Variants in ATF6B observed in about 807,000 individuals in gnomAD.
ATF6B encodes the protein activating transcription factor 6 beta.
In ATF6B, 50 loss-of-function variants were observed where a neutral mutation model predicts 83.5. That is an observed-to-expected ratio of 0.60 (90% CI 0.48 to 0.76). The LOEUF is 0.76. Ranked by LOEUF, ATF6B falls within the 30% of genes least tolerant of loss-of-function variation. The probability of loss-of-function intolerance (pLI) is 0.00; values close to 1 mark genes in which losing one functional copy is unlikely to be tolerated. For missense variants in ATF6B, 790 were observed against 893.8 expected, an observed-to-expected ratio of 0.88 and a Z score of 1.48; for synonymous variants, 344 against 362.8, an observed-to-expected ratio of 0.95 and a Z score of 0.59.
At position 32,116,521 on chromosome 6, in the gene ATF6B, C is replaced by G. The variant is rs754741325; in HGVS notation, c.1841G>C (p.Arg614Pro). ...LPAISHNKTS[R>P]PKMSLVMPAM... ...AGGCATCACCAGGGACATCTTGGGC[C>G]GGGAGGTCTTGTTGTGGCTGATGGC... Residue 614 changes from arginine to proline, a missense_variant, in exon 17 of 18, where the codon CGG becomes CCG. By Grantham distance (103) the Arg-to-Pro change is moderately radical. Transcript: ENST00000375203. The surrounding 1 kb of genome is among the most constrained non-coding windows in gnomAD (Gnocchi z 5.1). 2.9e-5 allele frequency: 46 copies of G among 1,605,336 alleles called. No individual in the cohort carries two copies. Among genetic ancestry groups the G allele is most frequent in the Non-Finnish European group, 3.7e-5 (44 of 1,175,484 alleles).
At position 32,117,292 on chromosome 6, in the gene ATF6B, T is replaced by A. The variant is rs1781568341; in HGVS notation, c.1614+31A>T. 3.1e-6 allele frequency: 5 copies of A among 1,605,782 alleles called. No individual in the cohort carries two copies. The African/African-American group carries it at 6.7e-5, about 21-fold the overall frequency. On this transcript the variant is annotated intron_variant, in intron 14 of 17. Transcript: ENST00000375203. The surrounding 1 kb of genome is among the most constrained non-coding windows in gnomAD (Gnocchi z 5.0). ...AAGGCCTTTAGCCCTTGTCTTCAAG[T>A]GGCCTTCCTTGAACCAGCCACCCGC...
intron 1 of ATF6B, 22 bp from the exon 2 acceptor site, chr6:32,127,772 G>C: frequency 1.9e-6 from 3 of 1,612,016 alleles, no homozygotes; most frequent in Admixed American, 1.7e-5. Flanking sequence ...GCTGAGCGTC[G>C]GGGGGTCGTT....
At position 32,118,789 on chromosome 6, in the gene ATF6B, G is replaced by A. The variant is rs1306236104; in HGVS notation, c.1230C>T (p.Asn410=). 6.2e-7 allele frequency: 1 copy of A among 1,614,124 alleles called. No homozygotes were observed. The highest frequency in any genetic ancestry group is 8.5e-7 in the Non-Finnish European group (1 of 1,180,052). The change falls in exon 11 of 18, where the codon AAC becomes AAT. Residue 410 remains asparagine (N), a synonymous_variant. Coordinates refer to ENST00000375203, the MANE Select transcript of ATF6B (RefSeq NM_004381.5). The surrounding 1 kb of genome is among the most constrained non-coding windows in gnomAD (Gnocchi z 5.2). ...GAAGGTCTCACCTGACAGGTCCAAA[G>A]TTGAAGGCAATGAAGAGAAGGAAGA... ...IMVFLLFIAF[N]FGPVSISEPP...
In ATF6B at chr6:32,116,983, A is replaced by G; in HGVS notation, c.1685+54T>C. ...GGCACAGGACAGCTACTGGGGGTACAGCTCTTGAAAGTGGAATTTCACTTA... is the reference window on the plus strand; with the variant it reads ...GGCACAGGACAGCTACTGGGGGTACGGCTCTTGAAAGTGGAATTTCACTTA... On this transcript the variant is annotated intron_variant, in intron 15 of 17. Transcript: ENST00000375203. The surrounding 1 kb of genome is among the most constrained non-coding windows in gnomAD (Gnocchi z 5.1). The G allele has an allele frequency of 6.3e-7, 1 of 1,584,622 alleles. No individual in the cohort carries two copies. The highest frequency in any genetic ancestry group is 8.7e-7 in the Non-Finnish European group (1 of 1,154,280).
Position 32,121,124 on chromosome 6 carries a change from C to A in ATF6B, c.565G>T (p.Ala189Ser). Residue 189 changes from alanine to serine, a missense_variant and splice_region_variant, in exon 7 of 18, where the codon GCT (alanine) becomes TCT (serine). Ala to Ser is a moderately conservative substitution (Grantham distance 99). This residue lies in a region of ATF6B where 253 missense variants were observed against 243.1 expected (regional missense o/e 1.04). Coordinates refer to ENST00000375203, the MANE Select transcript of ATF6B (RefSeq NM_004381.5). ...TCCAGGACCTCCTCTCCTATAAAAG[C>A]CTATGTGGGGCATTCCAGAGATACA... Reference protein sequence around the residue: ...SLLSADSSSQAFIGEEVLEVK... With the variant: ...SLLSADSSSQSFIGEEVLEVK... The A allele has an allele frequency of 1.3e-6, 2 of 1,588,328 alleles. No homozygotes were observed. Among genetic ancestry groups the A allele is most frequent in the Non-Finnish European group, 8.6e-7 (1 of 1,167,452 alleles).
chr6:32,121,190 G>A, intron 6 of ATF6B, 66 bp from the exon 7 acceptor site: 1 of 1,609,740 alleles, frequency 6.2e-7, no homozygotes, highest in Non-Finnish European at 8.5e-7. Flanking sequence ...CTGAAGAAGG[G>A]AAAGCTCTCA....
rs1781915763 is a variant in ATF6B, at chr6:32,125,063, C to T, written c.478+1054G>A. On this transcript the variant is annotated intron_variant, in intron 5 of 17. Transcript: ENST00000375203. The surrounding 1 kb of genome is among the most constrained non-coding windows in gnomAD (Gnocchi z 4.1). ...CAGGATGGTCTCAATCTCCTGACCT[C>T]GTGATCCGCCCACCTCGGCCTCCCA... Among the ~76,000 whole-genome samples the T allele has an allele frequency of 6.6e-6, 1 of 152,058 alleles. No homozygotes were observed. Among genetic ancestry groups the T allele is most frequent in the Non-Finnish European group, 1.5e-5 (1 of 68,008 alleles).
intron 5 of ATF6B, among the ~76,000 whole-genome samples, chr6:32,122,845 CAAAAA>C (rs746213748): frequency 1.9e-5 from 1 of 52,686 alleles, no homozygotes; most frequent in Admixed American, 2.0e-4. Flanking sequence ...GACTCTGTCT[CAAAAA>C]AAAAAAAAAA....
chr6:32,128,213 C>CCCCCCCCCCCCCCCCCCCCAGACCGA lies in ATF6B; in HGVS notation c.-7_-6insTCGGTCTGGGGGGGGGGGGGGGGGGG. On this transcript the variant is annotated 5_prime_UTR_variant, in exon 1 of 18. Transcript: ENST00000375203. Reference sequence around the variant, plus strand: ...AGCAGCATCAGCTCCGCCATCTTTCCCCCCCACCCCCCAACCAGGAGACGG... The same window carrying CCCCCCCCCCCCCCCCCCCCAGACCGA: ...AGCAGCATCAGCTCCGCCATCTTTCCCCCCCCCCCCCCCCCCCCCAGACCGACCCCCACCCCCCAACCAGGAGACGG... 6.9e-7 allele frequency: 1 copy of CCCCCCCCCCCCCCCCCCCCAGACCGA among 1,439,942 alleles called. No individual in the cohort carries two copies. Among genetic ancestry groups the CCCCCCCCCCCCCCCCCCCCAGACCGA allele is most frequent in the Non-Finnish European group, 9.4e-7 (1 of 1,065,494 alleles). 89.2% of individuals were successfully genotyped at this position (1,439,942 alleles called of 1,614,324 possible).
Position 32,118,704 on chromosome 6 carries a change from A to G in ATF6B, c.1244+71T>C. The G allele has an allele frequency of 3.3e-6, 5 of 1,508,870 alleles. No individual in the cohort carries two copies. The highest frequency in any genetic ancestry group is 4.6e-6 in the Non-Finnish European group (5 of 1,088,136). 93.5% of individuals were successfully genotyped at this position (1,508,870 alleles called of 1,614,324 possible). ...TAAGCAGAAGGAAATGGCCTGGGCC[A>G]AAGCAGGCAGCTAGGAGGCTGTAAC... On this transcript the variant is annotated intron_variant, in intron 11 of 17. Coordinates refer to ENST00000375203, the MANE Select transcript of ATF6B (RefSeq NM_004381.5). This position sits in a 1 kb window ranked among gnomAD's most constrained non-coding sequence, Gnocchi z 5.2.
intron 5 of ATF6B, among the ~76,000 whole-genome samples, chr6:32,124,837 G>T (rs1362671008): frequency 6.6e-6 from 1 of 151,834 alleles, no homozygotes; most frequent in African/African-American, 2.4e-5. Context: ...AGCTTTCATG[G>T]TACCCTCTAG....
chr6:32,128,211 T>TCACCCCCC lies in ATF6B; in HGVS notation c.-5_-4insGGGGGGTG. On this transcript the variant is annotated 5_prime_UTR_variant, in exon 1 of 18. Transcript: ENST00000375203. ...TGAGCAGCATCAGCTCCGCCATCTT[T>TCACCCCCC]CCCCCCCACCCCCCAACCAGGAGAC... is the stretch of plus-strand genomic sequence containing the variant. 6.5e-7 allele frequency: 1 copy of TCACCCCCC among 1,536,882 alleles called. No individual in the cohort carries two copies. The highest frequency in any genetic ancestry group is 8.8e-7 in the Non-Finnish European group (1 of 1,131,486).
chr6:32,126,034 C>T (rs1781958400), intron 5 of ATF6B, 83 bp downstream of exon 5: 2 of 1,545,768 alleles, frequency 1.3e-6, no homozygotes, highest in Non-Finnish European at 8.8e-7. Flanking sequence ...CTGCACTTCC[C>T]CTCCATCTAC....
intron 5 of ATF6B, 78 bp from the exon 6 acceptor site, chr6:32,121,426 G>GGGCCGGGC: frequency 7.1e-7 from 1 of 1,398,720 alleles, no homozygotes; most frequent in Non-Finnish European, 1.0e-6. Context: ...TGGGAGGCTG[G>GGGCCGGGC]GCATGGTGGC....
At position 32,125,718 on chromosome 6, in the gene ATF6B, AC is replaced by A. The variant is rs1781944788; in HGVS notation, c.478+398del. ...GGAGGTTGCAGTGAGCTGAGACCAC[AC>A]CACTGCACTTCAGCCCGAGCGACAG... On this transcript the variant is annotated intron_variant, in intron 5 of 17. Transcript: ENST00000375203. This position sits in a 1 kb window ranked among gnomAD's most constrained non-coding sequence, Gnocchi z 4.1. 6.6e-6 allele frequency among the ~76,000 whole-genome samples: 1 copy of A among 152,144 alleles called. No individual in the cohort carries two copies. The highest frequency in any genetic ancestry group is 2.4e-5 in the African/African-American group (1 of 41,422).
intron 5 of ATF6B, among the ~76,000 whole-genome samples, chr6:32,123,079 A>G (rs1245128082): frequency 2.0e-5 from 3 of 151,642 alleles, no homozygotes; most frequent in Non-Finnish European, 4.4e-5. Flanking sequence ...ATACAAAAAA[A>G]TAGCCGGACA....
rs1196670182 is a variant in ATF6B at position 32,115,868 on chromosome 6, T to C, written c.1983A>G (p.Thr661=). The C allele has an allele frequency of 3.7e-6, 6 of 1,614,178 alleles. No individual in the cohort carries two copies. The highest frequency in any genetic ancestry group is 1.1e-5 in the South Asian group (1 of 91,080). ...DTRVIHIKTS[T]VPPSLRKQPS... ...GCTGTTTTCGGAGCGAGGGGGGCAC[T>C]GTGGAGGTCTTGATGTGAATCACCC... The change falls in exon 18 of 18, where the codon ACA becomes ACG. Residue 661 remains threonine, a synonymous_variant. Coordinates refer to ENST00000375203, the MANE Select transcript of ATF6B (RefSeq NM_004381.5).
chr6:32,124,588 A>C (rs569959951), intron 5 of ATF6B, among the ~76,000 whole-genome samples: 55 of 152,266 alleles, frequency 3.6e-4, no homozygotes, highest in Admixed American at 1.3e-4. Context: ...CCACAGGATA[A>C]AAGCTAAGAG....
chr6:32,123,138 CA>C (rs763399383), intron 5 of ATF6B, among the ~76,000 whole-genome samples: 13 of 132,442 alleles, frequency 9.8e-5, no homozygotes, highest in Admixed American at 9.2e-4. Context: ...TGAGGCAGGA[CA>C]ATAGCTTAAA....
Sources: gnomAD v4.1 joint callset for allele counts (sites outside exome capture counted in the v4.1 genomes callset) on GRCh38, gnomAD v4.1.1 for gene constraint, gnomAD v4.1.1 regional missense constraint, Gnocchi (gnomAD v3.1) non-coding constraint, MANE v1.5 for transcripts, NCBI Gene and HGNC (gene_info 2026-07-23, HGNC 2026-07-21) for gene names.